The following WDR7 variants were observed in gnomAD, a reference collection of about 807,000 sequenced individuals.
WDR7 encodes WD repeat-containing protein 7.
Under a neutral mutation model 169.4 loss-of-function variants are expected in WDR7, and 46 were observed. That is an observed-to-expected ratio of 0.27 (90% CI 0.21 to 0.35). The LOEUF (loss-of-function observed/expected upper bound fraction) is 0.35. Among genes scored for constraint, WDR7 ranks in the 10% least tolerant of loss-of-function variants. The probability of loss-of-function intolerance (pLI) is 1.00; values close to 1 mark genes in which losing one functional copy is unlikely to be tolerated. For missense variants in WDR7, 1,534 were observed against 1,859.3 expected (o/e 0.83, Z 3.22); for synonymous variants, 612 against 666.8 (o/e 0.92, Z 1.27).
At chr18:56,810,771 T>C (rs1266776341) in intron 19 of WDR7, among the ~76,000 whole-genome samples, 1 of 152,166 alleles carries the variant, frequency 6.6e-6, no homozygotes, top group Non-Finnish European at 1.5e-5. Context: ...CTTTTAAAAA[T>C]TCAGCTTTAT....
chr18:56,788,796 T>A (rs8096937), intron 19 of WDR7, among the ~76,000 whole-genome samples: 87,331 of 151,980 alleles, frequency 0.57, 26,335 homozygotes, highest in East Asian at 0.69. Context: ...GTAATAGTTG[T>A]CTTATAGTGT....
chr18:56,918,617 G>C (rs1428424708), intron 21 of WDR7, among the ~76,000 whole-genome samples: 2 of 151,936 alleles, frequency 1.3e-5, no homozygotes, highest in Non-Finnish European at 2.9e-5. Context: ...AGACCATACC[G>C]CAGAATAAGC....
intron 14 of WDR7, among the ~76,000 whole-genome samples, chr18:56,732,130 C>T (rs920565252): frequency 6.6e-6 from 1 of 152,154 alleles, no homozygotes; most frequent in Admixed American, 6.5e-5. Context: ...TCCTTACTGA[C>T]ACTTAATAAA....
intron 20 of WDR7, among the ~76,000 whole-genome samples, chr18:56,864,434 TGAA>T (rs151255220): frequency 0.014 from 2,123 of 151,766 alleles, 28 homozygotes; most frequent in East Asian, 0.035. Flanking sequence ...CTTTTAAAAA[TGAA>T]GAACAATTTA....
At chr18:56,959,818 C>A (rs575762934) in intron 25 of WDR7, among the ~76,000 whole-genome samples, 1 of 152,270 alleles carries the variant, frequency 6.6e-6, no homozygotes, top group East Asian at 1.9e-4. Context: ...TTCGTCTTGA[C>A]AGACCTTACA....
chr18:57,003,956 C>A (rs1469385274), intron 26 of WDR7, among the ~76,000 whole-genome samples: 1 of 151,808 alleles, frequency 6.6e-6, no homozygotes, highest in African/African-American at 2.4e-5. Flanking sequence ...GTGTGTTATA[C>A]CCTTCACATT....
In WDR7 at chr18:56,745,414, A is replaced by G. The variant is rs181271307; in HGVS notation, c.1990-11169A>G. ...AGCACGCCCCAACCTTTTTGGCACC[A>G]GGGACTGGTTTCGTGGAAGACGGTT... On this transcript the variant is annotated intron_variant, in intron 14 of 27. Coordinates refer to ENST00000254442, the MANE Select transcript of WDR7 (RefSeq NM_015285.3). Among the ~76,000 whole-genome samples the G allele has an allele frequency of 2.0e-5, 3 of 152,312 alleles. No homozygotes were observed. The East Asian group carries it at 5.8e-4, about 29-fold the overall frequency.
rs181710759 is a variant in WDR7 at position 56,950,830 on chromosome 18, C to A, written c.4064+11437C>A. On this transcript the variant is annotated intron_variant, in intron 25 of 27. Transcript: ENST00000254442. ...GGGGACCTCCTTAAGGAACCATGGG[C>A]ATTTGATGTTAAATCACCATGGTAC... 5.4e-3 allele frequency among the ~76,000 whole-genome samples: 825 copies of A among 152,288 alleles called. 4 individuals are homozygous for A. Among genetic ancestry groups the A allele is most frequent in the Middle Eastern group, 0.031 (9 of 294 alleles).
At chr18:56,991,178 G>C (rs911017847) in intron 26 of WDR7, among the ~76,000 whole-genome samples, 5 of 132,984 alleles carry the variant, frequency 3.8e-5, no homozygotes, top group African/African-American at 1.4e-4. Context: ...ACGGAGTCTC[G>C]CTCTGTCGCC....
At chr18:56,665,290 T>C (rs894016197) in intron 1 of WDR7, among the ~76,000 whole-genome samples, 3 of 31,302 alleles carry the variant, frequency 9.6e-5, no homozygotes, top group African/African-American at 1.6e-4. Context: ...TAAAACTCCA[T>C]CTAAAAAAAA....
rs748352333 is a variant in WDR7, at chr18:56,731,506, C to T, written c.1898C>T (p.Thr633Met). The T allele has an allele frequency of 1.1e-5, 18 of 1,613,952 alleles. No individual in the cohort carries two copies. The highest frequency in any genetic ancestry group is 5.0e-5 in the Admixed American group (3 of 59,992). ...HPAVNLKQAM[T>M]RRSLAALKNM... is the part of the protein sequence containing the mutation. The stretch of plus-strand genomic sequence containing the variant: ...GCAGTCAACCTAAAACAAGCTATGA[C>T]GAGACGTAGTCTTGCTGCTCTTAAA... The change falls in exon 14 of 28, where the codon ACG (threonine) becomes ATG (methionine). Residue 633 changes from threonine to methionine, a missense_variant. Coordinates refer to ENST00000254442, the MANE Select transcript of WDR7 (RefSeq NM_015285.3).
chr18:56,798,798 T>C (rs2044625354), intron 19 of WDR7, among the ~76,000 whole-genome samples: 1 of 152,204 alleles, frequency 6.6e-6, no homozygotes, highest in South Asian at 2.1e-4. Context: ...ACTGAGAATA[T>C]ATAAAATAGA....
intron 1 of WDR7, among the ~76,000 whole-genome samples, chr18:56,662,221 GA>G (rs2024919182): frequency 6.6e-6 from 1 of 152,228 alleles, no homozygotes; most frequent in South Asian, 2.1e-4. Flanking sequence ...CATAGACTGA[GA>G]ACATATTGAC....
chr18:56,812,477 GAATTGGCTCATGC>G (rs748410556), intron 19 of WDR7, among the ~76,000 whole-genome samples: 4 of 152,292 alleles, frequency 2.6e-5, no homozygotes, highest in African/African-American at 4.8e-5. Flanking sequence ...CTTATTAGGG[GAATTGGCTCATGC>G]AATTGGCTCA....
rs191200077 is a variant in WDR7 at position 56,783,862 on chromosome 18, A to C, written c.3190+2206A>C. Among the ~76,000 whole-genome samples the C allele has an allele frequency of 1.1e-3, 165 of 152,320 alleles. 1 individual carries two copies. Among genetic ancestry groups the C allele is most frequent in the Admixed American group, 2.2e-3 (33 of 15,292 alleles). The stretch of plus-strand genomic sequence containing the variant: ...TTTATTTTATTCCTGGGAAGAAGAG[A>C]ATAAGTTAGCTACAAGGTAAAGGCA... On this transcript the variant is annotated intron_variant, in intron 19 of 27. Transcript: ENST00000254442.
chr18:56,904,309 A>AT (rs2046447152), intron 21 of WDR7, among the ~76,000 whole-genome samples: 1 of 152,098 alleles, frequency 6.6e-6, no homozygotes, highest in South Asian at 2.1e-4. Flanking sequence ...ACCTCAGGTG[A>AT]TCCGCCTGTC....
At chr18:56,718,228 T>A (rs1451009966) in intron 13 of WDR7, 69 bp downstream of exon 13, 8 of 1,351,100 alleles carry the variant, frequency 5.9e-6, no homozygotes, top group Non-Finnish European at 7.8e-6. Flanking sequence ...GAAATGAAAA[T>A]GTCTTTTATA....
chr18:56,922,034 C>A (rs148053318), intron 21 of WDR7, among the ~76,000 whole-genome samples: 68 of 152,248 alleles, frequency 4.5e-4, no homozygotes, highest in Middle Eastern at 3.4e-3. Context: ...CTCCAGGGAC[C>A]CTTATTGCTT....
chr18:56,891,615 A>G (rs909047071), intron 21 of WDR7, among the ~76,000 whole-genome samples: 3 of 152,118 alleles, frequency 2.0e-5, no homozygotes, highest in African/African-American at 4.8e-5. Flanking sequence ...TTTGTATATA[A>G]GTGAACTGAT....
Sources: gnomAD v4.1 joint callset for allele counts (sites outside exome capture counted in the v4.1 genomes callset) on GRCh38, gnomAD v4.1.1 for gene constraint, MANE v1.5 for transcripts, NCBI Gene and HGNC (gene_info 2026-07-23, HGNC 2026-07-21) for gene names.